The following WDR7 variants were observed in gnomAD, a reference collection of about 807,000 sequenced individuals.
The protein encoded by WDR7 is WD repeat-containing protein 7.
WDR7 carries 46 observed loss-of-function variants against 169.4 expected under a neutral mutation model. The observed-to-expected ratio is 0.27, with a 90% confidence interval of 0.21 to 0.35. The LOEUF is 0.35. Among genes scored for constraint, WDR7 ranks in the 10% least tolerant of loss-of-function variants. The pLI is 1.00. For missense variants in WDR7, 1,534 were observed against 1,859.3 expected (o/e 0.83, Z 3.22); for synonymous variants, 612 against 666.8 (o/e 0.92, Z 1.27).
chr18:56,659,190 A>AAC (rs1555673628), intron 1 of WDR7, among the ~76,000 whole-genome samples: 1 of 20,542 alleles, frequency 4.9e-5, no homozygotes, highest in Admixed American at 1.0e-3. Context: ...CTGGGGAAAA[A>AAC]AACAATATGT....
chr18:57,024,395 A>G (rs192766343), intron 27 of WDR7, among the ~76,000 whole-genome samples: 2 of 152,280 alleles, frequency 1.3e-5, no homozygotes, highest in African/African-American at 2.4e-5. Context: ...TACCGTTACT[A>G]TAATACTTCA....
intron 20 of WDR7, among the ~76,000 whole-genome samples, chr18:56,817,111 G>A (rs2044986376): frequency 6.6e-6 from 1 of 152,000 alleles, no homozygotes; most frequent in Non-Finnish European, 1.5e-5. Context: ...TTGGGAGGCC[G>A]AGGTGGGCAG....
chr18:57,012,347 G>A (rs140703675), intron 26 of WDR7, among the ~76,000 whole-genome samples: 66 of 152,256 alleles, frequency 4.3e-4, no homozygotes, highest in African/African-American at 1.4e-3. Context: ...GGAGATTGCC[G>A]TGGACCAGGA....
chr18:56,891,390 A>G (rs1032523598), intron 21 of WDR7, among the ~76,000 whole-genome samples: 9 of 152,118 alleles, frequency 5.9e-5, no homozygotes, highest in Non-Finnish European at 7.4e-5. Context: ...AATAGTATAT[A>G]ACAGTAGCTC....
rs530661022 is a variant in WDR7 at position 56,765,588 on chromosome 18, A to AAACCTCAC, written c.2848+6638_2848+6645dup. Among the ~76,000 whole-genome samples, 1,360 of 152,212 alleles carry AAACCTCAC rather than the reference A, an allele frequency of 8.9e-3. 20 individuals carry two copies. The highest frequency in any genetic ancestry group is 0.028 in the African/African-American group (1,178 of 41,546). ...TGCATTTTACTTTTATATATGTTAT[A>AAACCTCAC]AACCTCACAAATTATTCTTGTGATT... is the stretch of plus-strand genomic sequence containing the variant. On this transcript the variant is annotated intron_variant, in intron 16 of 27. Coordinates refer to ENST00000254442, the MANE Select transcript of WDR7 (RefSeq NM_015285.3).
intron 19 of WDR7, among the ~76,000 whole-genome samples, chr18:56,806,541 G>C (rs28658513): frequency 0.13 from 20,150 of 152,084 alleles, 2,063 homozygotes; most frequent in African/African-American, 0.29. Context: ...TTCTAAGGAA[G>C]TACTAGGGCT....
intron 27 of WDR7, among the ~76,000 whole-genome samples, chr18:57,024,073 G>A (rs370848141): frequency 1.3e-5 from 2 of 152,234 alleles, no homozygotes; most frequent in South Asian, 4.2e-4. Flanking sequence ...TGGAGGTCTG[G>A]AAGGTTGTTT....
intron 1 of WDR7, among the ~76,000 whole-genome samples, chr18:56,672,055 G>A (rs1053644124): frequency 2.0e-5 from 3 of 152,138 alleles, no homozygotes; most frequent in Admixed American, 6.5e-5. Context: ...CTAGTTCTGT[G>A]TCCTAGGGCA....
At chr18:56,828,148 A>G (rs1414856568) in intron 20 of WDR7, among the ~76,000 whole-genome samples, 1 of 152,234 alleles carries the variant, frequency 6.6e-6, no homozygotes, top group African/African-American at 2.4e-5. Flanking sequence ...AAACATTTAT[A>G]CTTTACAGAT....
rs187417769 is a variant in WDR7, at chr18:56,818,079, G to A, written c.3304+1935G>A. On this transcript the variant is annotated intron_variant, in intron 20 of 27. Coordinates refer to ENST00000254442, the MANE Select transcript of WDR7 (RefSeq NM_015285.3). ...TTTTAAGCCAGTCCGTGTTTGTTCC[G>A]TTTTCACTGCTTTTCATACTGTCAT... 9.9e-5 allele frequency among the ~76,000 whole-genome samples: 15 copies of A among 152,156 alleles called. No homozygotes were observed. The East Asian group carries it at 1.9e-3, about 20-fold the overall frequency.
At chr18:56,795,981 A>T (rs894283695) in intron 19 of WDR7, among the ~76,000 whole-genome samples, 2 of 152,224 alleles carry the variant, frequency 1.3e-5, no homozygotes, top group Non-Finnish European at 2.9e-5. Context: ...TACAACAATG[A>T]TTTTATTAGA....
intron 16 of WDR7, among the ~76,000 whole-genome samples, chr18:56,766,041 A>G (rs1470382257): frequency 2.0e-5 from 3 of 149,572 alleles, no homozygotes; most frequent in Admixed American, 6.6e-5. Flanking sequence ...TTTTTCTGGT[A>G]TAGAATTCCA....
intron 16 of WDR7, among the ~76,000 whole-genome samples, chr18:56,764,262 C>G (rs952905960): frequency 2.0e-5 from 3 of 152,002 alleles, no homozygotes; most frequent in African/African-American, 7.2e-5. Context: ...TTTTCTTTTA[C>G]CCATGGATAA....
intron 16 of WDR7, among the ~76,000 whole-genome samples, chr18:56,762,557 A>G (rs1043255078): frequency 2.6e-5 from 4 of 152,054 alleles, no homozygotes; most frequent in African/African-American, 9.7e-5. Context: ...GACATTTGAG[A>G]TTATAATATT....
At chr18:57,033,153 A>G (rs1354102794), downstream of WDR7, 1 of 152,116 alleles carries the variant, frequency 6.6e-6, no homozygotes, top group Non-Finnish European at 1.5e-5. Flanking sequence ...CTCACCAAGC[A>G]CCATAACACT....
chr18:56,995,325 T>C (rs1025690933), intron 26 of WDR7, among the ~76,000 whole-genome samples: 2 of 152,180 alleles, frequency 1.3e-5, no homozygotes, highest in African/African-American at 2.4e-5. Context: ...AAACAAGTTT[T>C]TAAGGGTATG....
At chr18:56,692,440 G>GT (rs1254344662) in intron 9 of WDR7, among the ~76,000 whole-genome samples, 2 of 14,764 alleles carry the variant, frequency 1.4e-4, no homozygotes, top group African/African-American at 2.7e-4. Context: ...AGTTTTTTTT[G>GT]TTTTTTTTTT....
chr18:56,732,766 C>T (rs2026614534), intron 14 of WDR7, among the ~76,000 whole-genome samples: 1 of 152,184 alleles, frequency 6.6e-6, no homozygotes, highest in African/African-American at 2.4e-5. Context: ...ATTGGCCATA[C>T]CTTCAGTTAC....
In WDR7 at chr18:56,696,337, C is replaced by T. The variant is rs2025703473; in HGVS notation, c.1453C>T (p.Leu485=). Residue 485 remains leucine (L), a synonymous_variant, in exon 12 of 28, where the codon CTG becomes TTG. Transcript: ENST00000254442. ...CTCAGCTCGGTATGATCAAAGATAC[C>T]TGATATCTGGAGGTGTGGATTTTTC... is the stretch of plus-strand genomic sequence containing the variant. ...QVSARYDQRY[L]ISGGVDFSVI... 1.2e-6 allele frequency: 2 copies of T among 1,614,006 alleles called. No individual in the cohort carries two copies. Among genetic ancestry groups the T allele is most frequent in the South Asian group, 2.2e-5 (2 of 91,080 alleles).
Sources: allele counts gnomAD v4.1 joint callset (sites outside exome capture counted in the v4.1 genomes callset), GRCh38; gene constraint gnomAD v4.1.1; transcripts MANE v1.5; gene names NCBI Gene and HGNC (gene_info 2026-07-23, HGNC 2026-07-21).